Variants in XYLT1 observed in about 807,000 individuals in gnomAD.
XYLT1 encodes beta-D-xylosyltransferase 1.
In XYLT1, 36 loss-of-function variants were observed where a neutral mutation model predicts 91.3. The observed-to-expected ratio is 0.39, with a 90% CI of 0.30 to 0.52. XYLT1 has a LOEUF of 0.52. Ranked by LOEUF, XYLT1 falls within the 20% of genes least tolerant of loss-of-function variation. The probability of loss-of-function intolerance (pLI) is 0.68; values close to 1 mark genes in which losing one functional copy is unlikely to be tolerated. For missense variants in XYLT1, 1,242 were observed against 1,284.5 expected (o/e 0.97, Z 0.51); for synonymous variants, 588 against 532.0 (o/e 1.11, Z -1.45).
intron 7 of XYLT1, among the ~76,000 whole-genome samples, 197 bp downstream of exon 7, chr16:17,140,956 C>T (rs2141519831): frequency 6.6e-6 from 1 of 151,814 alleles, no homozygotes; most frequent in Non-Finnish European, 1.5e-5. Flanking sequence ...GTGGTAGCAC[C>T]GTGTGTCTAC....
chr16:17,343,078 G>A (rs1488711164), intron 2 of XYLT1, among the ~76,000 whole-genome samples: 1 of 152,164 alleles, frequency 6.6e-6, no homozygotes, highest in Admixed American at 6.5e-5. Context: ...ACACCTCACG[G>A]CCAACATGGC....
chr16:17,116,424 A>G (rs1394009048), intron 11 of XYLT1, among the ~76,000 whole-genome samples: 1 of 152,236 alleles, frequency 6.6e-6, no homozygotes, highest in Non-Finnish European at 1.5e-5. Flanking sequence ...TGACATAAAT[A>G]CATCATAATT....
intron 7 of XYLT1, among the ~76,000 whole-genome samples, chr16:17,140,614 C>G (rs1417544882): frequency 1.5e-5 from 2 of 133,444 alleles, no homozygotes; most frequent in Admixed American, 1.8e-4. Context: ...TGAGCAGAGA[C>G]TGTGCCACTG....
intron 3 of XYLT1, among the ~76,000 whole-genome samples, chr16:17,228,961 T>A (rs1409239032): frequency 6.6e-6 from 1 of 151,892 alleles, no homozygotes; most frequent in Admixed American, 6.6e-5. Context: ...TCCAGATCTG[T>A]TTGATTTCCT....
At chr16:17,342,529 C>T (rs577328170) in intron 2 of XYLT1, among the ~76,000 whole-genome samples, 4 of 152,088 alleles carry the variant, frequency 2.6e-5, no homozygotes, top group African/African-American at 9.7e-5. Flanking sequence ...CGAGACCAGC[C>T]GGGCCAACAT....
In XYLT1 at chr16:17,138,466, G is replaced by T. The variant is rs1476224061; in HGVS notation, c.1653C>A (p.Arg551=). The T allele has an allele frequency of 6.2e-7, 1 of 1,614,058 alleles. No individual in the cohort carries two copies. Among genetic ancestry groups the T allele is most frequent in the Non-Finnish European group, 8.5e-7 (1 of 1,180,040 alleles). ...HCDTMVDNNL[R]ITNWNRKLGC... is the part of the protein sequence containing the mutation. The stretch of plus-strand genomic sequence containing the variant: ...CCAGCTTGCGATTCCAGTTGGTGAT[G>T]CGCAGGTTGTTGTCCACCATGGTGT... Residue 551 remains arginine (R), a synonymous_variant, in exon 8 of 12, where the codon CGC becomes CGA. Transcript: ENST00000261381.
intron 5 of XYLT1, chr16:17,192,751 T>C (rs971455653): frequency 2.6e-5 from 4 of 151,976 alleles, no homozygotes; most frequent in East Asian, 3.9e-4. Flanking sequence ...CACAAGTGAA[T>C]TGGATCTATT....
chr16:17,255,844 C>T (rs894264856), intron 3 of XYLT1, among the ~76,000 whole-genome samples: 1 of 152,018 alleles, frequency 6.6e-6, no homozygotes, highest in Non-Finnish European at 1.5e-5. Context: ...CCCACCTCTA[C>T]TAAAAATACA....
intron 1 of XYLT1, among the ~76,000 whole-genome samples, chr16:17,378,637 G>A (rs1235663623): frequency 2.0e-5 from 3 of 152,152 alleles, no homozygotes; most frequent in African/African-American, 7.2e-5. Context: ...TAGGTGCCAG[G>A]TACTTCACTG....
In XYLT1 at chr16:17,366,768, A is replaced by C. The variant is rs187921646; in HGVS notation, c.364-8718T>G. Among the ~76,000 whole-genome samples the C allele has an allele frequency of 2.6e-5, 4 of 152,296 alleles. No homozygotes were observed. The East Asian group carries it at 7.7e-4, about 29-fold the overall frequency. ...GCAGGCACCAAAAGCCCCATTTTAC[A>C]GATGGTGTAATTGAGGCTCAAAGGA... is the stretch of plus-strand genomic sequence containing the variant. On this transcript the variant is annotated intron_variant, in intron 1 of 11. Transcript: ENST00000261381.
intron 2 of XYLT1, among the ~76,000 whole-genome samples, chr16:17,301,049 T>G (rs1240495567): frequency 6.6e-6 from 1 of 151,994 alleles, no homozygotes; most frequent in Non-Finnish European, 1.5e-5. Context: ...AAGCACATAT[T>G]CTCAATAGGG....
In XYLT1 at chr16:17,103,511, T is replaced by C. The variant is rs1386833351; in HGVS notation, c.*5184A>G. 4 of 152,284 alleles carry C rather than the reference T, an allele frequency of 2.6e-5. No homozygotes were observed. The highest frequency in any genetic ancestry group is 9.6e-5 in the African/African-American group (4 of 41,562). 9.4% of individuals were successfully genotyped at this position (152,284 alleles called of 1,614,324 possible). On this transcript the variant is annotated 3_prime_UTR_variant, in exon 12 of 12. Coordinates refer to ENST00000261381, the MANE Select transcript of XYLT1 (RefSeq NM_022166.4). ...AGCTTCACGATGCTGTCTTCTCTGA[T>C]GTTGGTGGAGATGGGAGGGAAAGGA...
chr16:17,449,074 G>A (rs561166689), intron 1 of XYLT1, among the ~76,000 whole-genome samples: 1 of 152,298 alleles, frequency 6.6e-6, no homozygotes, highest in South Asian at 2.1e-4. Flanking sequence ...AGAAGGAAGT[G>A]GCATATAAGT....
chr16:17,358,469 C>T (rs529830605), intron 1 of XYLT1, among the ~76,000 whole-genome samples: 3 of 152,184 alleles, frequency 2.0e-5, no homozygotes, highest in African/African-American at 4.8e-5. Flanking sequence ...GCTTGATTTC[C>T]CCAGTGGTCA....
At chr16:17,247,064 G>A (rs988846512) in intron 3 of XYLT1, among the ~76,000 whole-genome samples, 10 of 152,150 alleles carry the variant, frequency 6.6e-5, no homozygotes, top group Non-Finnish European at 1.3e-4. Flanking sequence ...ATTTGAGAGA[G>A]GAGAAAAGGC....
At chr16:17,381,585 C>A (rs533145197) in intron 1 of XYLT1, among the ~76,000 whole-genome samples, 2 of 151,842 alleles carry the variant, frequency 1.3e-5, no homozygotes, top group Non-Finnish European at 2.9e-5. Flanking sequence ...CACCACCATG[C>A]CTGGCTAATT....
intron 1 of XYLT1, among the ~76,000 whole-genome samples, chr16:17,375,186 G>C (rs2035583029): frequency 6.6e-6 from 1 of 152,102 alleles, no homozygotes; most frequent in African/African-American, 2.4e-5. Flanking sequence ...ACATTTCTTA[G>C]GCACTTATTA....
chr16:17,356,439 C>G (rs1254273872), intron 2 of XYLT1, among the ~76,000 whole-genome samples: 1 of 152,092 alleles, frequency 6.6e-6, no homozygotes, highest in Admixed American at 6.5e-5. Flanking sequence ...AGCCCTGGGG[C>G]CCCCGTGGCT....
chr16:17,354,732 C>T (rs1345069989), intron 2 of XYLT1: 1 of 152,228 alleles, frequency 6.6e-6, no homozygotes, highest in East Asian at 1.9e-4. Flanking sequence ...AGCTTGGCCA[C>T]ATCTGCCATC....
Sources: allele counts gnomAD v4.1 joint callset (sites outside exome capture counted in the v4.1 genomes callset), GRCh38; gene constraint gnomAD v4.1.1; transcripts MANE v1.5; gene names NCBI Gene and HGNC (gene_info 2026-07-23, HGNC 2026-07-21).